The following WIPF2 variants were observed in gnomAD, a reference collection of about 807,000 sequenced individuals.
WIPF2 encodes the protein WAS/WASL-interacting protein family member 2.
In WIPF2, 23 loss-of-function variants were observed where a neutral mutation model predicts 38.8. The observed-to-expected ratio is 0.59, with a 90% CI of 0.43 to 0.84. The LOEUF (loss-of-function observed/expected upper bound fraction) is 0.84. Ranked by LOEUF, WIPF2 falls within the 40% of genes least tolerant of loss-of-function variation. The pLI is 0.00. For synonymous variants in WIPF2, 210 were observed against 223.2 expected, an observed-to-expected ratio of 0.94 and a Z score of 0.53; for missense variants, 574 against 580.5, an observed-to-expected ratio of 0.99 and a Z score of 0.11.
At chr17:40,249,105 A>G (rs2031469775) in intron 1 of WIPF2, among the ~76,000 whole-genome samples, 1 of 152,206 alleles carries the variant, frequency 6.6e-6, no homozygotes, top group African/African-American at 2.4e-5. Context: ...CTGTTACCTG[A>G]GGCATGAAAA....
At chr17:40,242,978 G>T (rs9904021) in intron 1 of WIPF2, among the ~76,000 whole-genome samples, 21,560 of 152,076 alleles carry the variant, frequency 0.14, 1,601 homozygotes, top group East Asian at 0.29. Context: ...TAATTTACAT[G>T]GCTTTTGCAT....
rs1051525666 is a variant in WIPF2 at position 40,262,445 on chromosome 17, A to C, written c.197-80A>C. On this transcript the variant is annotated intron_variant, in intron 3 of 7. Coordinates refer to ENST00000323571, the MANE Select transcript of WIPF2 (RefSeq NM_133264.5). ...TGTTTGCAAGCGATAGCCCAGATAGAGGAGTGGTTTCCCCTCATGATTTAC... is the reference window on the plus strand; with the variant it reads ...TGTTTGCAAGCGATAGCCCAGATAGCGGAGTGGTTTCCCCTCATGATTTAC... 10 of 1,118,556 alleles carry C rather than the reference A, an allele frequency of 8.9e-6. No individual in the cohort carries two copies. In the African/African-American group the frequency reaches 1.2e-4, roughly 14 times the overall value. The allele number at this position is 1,118,556 out of a possible 1,614,324, so 69.3% of individuals were successfully genotyped here. A position where few individuals can be genotyped will look rare whatever the true frequency, so the allele number is the denominator to read the frequency against.
Position 40,284,030 on chromosome 17 carries a change from G to A in WIPF2, c.*5805G>A, listed in dbSNP as rs2032608327. 6.6e-6 allele frequency: 1 copy of A among 152,084 alleles called. No homozygotes were observed. Among genetic ancestry groups the A allele is most frequent in the African/African-American group, 2.4e-5 (1 of 41,402 alleles). The allele number at this position is 152,084 out of a possible 1,614,324, so 9.4% of individuals were successfully genotyped here. ...GAGGGAGGGAGGGGAAGAAAAAAAA[G>A]GACTCCTTTCATTTTCATCCGTACT... is the stretch of plus-strand genomic sequence containing the variant. On this transcript the variant is annotated 3_prime_UTR_variant, in exon 8 of 8. Transcript: ENST00000323571.
chr17:40,256,912 C>T (rs2031745741), intron 2 of WIPF2, among the ~76,000 whole-genome samples: 1 of 152,090 alleles, frequency 6.6e-6, no homozygotes, highest in Non-Finnish European at 1.5e-5. Context: ...TAGTGTTTTC[C>T]CCTAAAACTA....
At chr17:40,220,928 A>T (rs541208141) in intron 1 of WIPF2, among the ~76,000 whole-genome samples, 1 of 151,606 alleles carries the variant, frequency 6.6e-6, no homozygotes, top group East Asian at 1.9e-4. Flanking sequence ...GGTGCCCACC[A>T]CCACACCTGG....
intron 1 of WIPF2, among the ~76,000 whole-genome samples, chr17:40,228,566 A>G (rs2030599056): frequency 6.6e-6 from 1 of 150,922 alleles, no homozygotes; most frequent in African/African-American, 2.4e-5. Flanking sequence ...TTGAGTTCCT[A>G]CTGTGTGCCA....
intron 5 of WIPF2, among the ~76,000 whole-genome samples, chr17:40,267,756 TC>T (rs2032135675): frequency 6.6e-6 from 1 of 152,152 alleles, no homozygotes; most frequent in African/African-American, 2.4e-5. Flanking sequence ...GCCAGGCTGG[TC>T]TCAAACTCCT....
rs564014509 is a variant in WIPF2, at chr17:40,238,034, C to T, written c.-69-18357C>T. On this transcript the variant is annotated intron_variant, in intron 1 of 7. Transcript: ENST00000323571. ...TGAGTCAAGATGGTGCCACTGCACT[C>T]CAGCCTGGCAACAGAGGGAGACTCC... Among the ~76,000 whole-genome samples the T allele has an allele frequency of 1.0e-4, 15 of 150,482 alleles. 1 individual carries two copies. The South Asian group carries it at 3.2e-3, about 32-fold the overall frequency.
chr17:40,250,219 G>GTTTTTTTTTTTTTTTTTTTTT (rs1170849046), intron 1 of WIPF2, among the ~76,000 whole-genome samples: 1 of 62,508 alleles, frequency 1.6e-5, no homozygotes, highest in African/African-American at 6.4e-5. Flanking sequence ...ATTTTATCAT[G>GTTTTTTTTTTTTTTTTTTTTT]TTTTTTTTTT....
intron 2 of WIPF2, among the ~76,000 whole-genome samples, chr17:40,258,315 C>A (rs934560633): frequency 3.3e-5 from 5 of 149,630 alleles, no homozygotes; most frequent in Admixed American, 2.0e-4. Context: ...AGGTGAATCG[C>A]TTGAACCCCA....
Position 40,282,077 on chromosome 17 carries a change from GAAACA to G in WIPF2, c.*3857_*3861del, listed in dbSNP as rs1349496393. ...AAGACTCATCTCTTAAAAACAAAAC[GAAACA>G]AAACTACAACCACCATCAAAACCAC... On this transcript the variant is annotated 3_prime_UTR_variant, in exon 8 of 8. Transcript: ENST00000323571. 1.2e-4 allele frequency: 7 copies of G among 58,756 alleles called. No individual in the cohort carries two copies. The highest frequency in any genetic ancestry group is 1.5e-4 in the Non-Finnish European group (5 of 32,846). The allele number at this position is 58,756 out of a possible 1,614,324, so 3.6% of individuals were successfully genotyped here.
chr17:40,228,635 CT>C (rs920194370), intron 1 of WIPF2, among the ~76,000 whole-genome samples: 83 of 144,668 alleles, frequency 5.7e-4, no homozygotes, highest in South Asian at 8.8e-4. Flanking sequence ...TTTTCTTGGT[CT>C]TTTTTTTTTT....
At chr17:40,250,148 T>A (rs1413077222) in intron 1 of WIPF2, among the ~76,000 whole-genome samples, 2 of 151,326 alleles carry the variant, frequency 1.3e-5, no homozygotes, top group Non-Finnish European at 2.9e-5. Flanking sequence ...CAGGAAGATT[T>A]TAAATAATAC....
At chr17:40,271,398 C>T (rs2032245127) in intron 5 of WIPF2, among the ~76,000 whole-genome samples, 1 of 152,104 alleles carries the variant, frequency 6.6e-6, no homozygotes, top group South Asian at 2.1e-4. Flanking sequence ...AATCCCAGCC[C>T]TTTGCTGAGG....
intron 1 of WIPF2, among the ~76,000 whole-genome samples, chr17:40,247,696 A>C (rs2031418577): frequency 6.6e-6 from 1 of 151,254 alleles, no homozygotes; most frequent in Non-Finnish European, 1.5e-5. Context: ...TAATTTTTGT[A>C]TTTTTAGTAG....
At chr17:40,253,676 A>T (rs1374838312) in intron 1 of WIPF2, among the ~76,000 whole-genome samples, 2 of 152,220 alleles carry the variant, frequency 1.3e-5, no homozygotes, top group African/African-American at 4.8e-5. Flanking sequence ...TATTTCTTGA[A>T]GTGAGTACAG....
chr17:40,255,659 C>T (rs992622495), intron 1 of WIPF2, among the ~76,000 whole-genome samples: 2 of 138,752 alleles, frequency 1.4e-5, no homozygotes, highest in South Asian at 2.3e-4. Context: ...GACGGAATCT[C>T]GCTCTGTCAT....
chr17:40,257,047 C>T (rs944403476), intron 2 of WIPF2, among the ~76,000 whole-genome samples: 17 of 151,932 alleles, frequency 1.1e-4, no homozygotes, highest in African/African-American at 1.9e-4. Flanking sequence ...GGCACGGTCT[C>T]GGCTCACTGC....
intron 5 of WIPF2, among the ~76,000 whole-genome samples, chr17:40,271,114 G>A (rs1005957567): frequency 1.3e-5 from 2 of 152,104 alleles, no homozygotes; most frequent in Non-Finnish European, 2.9e-5. Context: ...GGGATTGCAG[G>A]CGTGTGCCAC....
Sources: gnomAD v4.1 joint callset for allele counts (sites outside exome capture counted in the v4.1 genomes callset) on GRCh38, gnomAD v4.1.1 for gene constraint, MANE v1.5 for transcripts, NCBI Gene and HGNC (gene_info 2026-07-23, HGNC 2026-07-21) for gene names.